CNTN4: variants seen among roughly 807,000 people sequenced by gnomAD.
CNTN4 encodes contactin 4.
Under a neutral mutation model 122.5 loss-of-function variants are expected in CNTN4, and 77 were observed. That is an observed-to-expected ratio of 0.63 (90% confidence interval 0.52 to 0.76). The LOEUF (loss-of-function observed/expected upper bound fraction) is 0.76. Ranked by LOEUF, CNTN4 falls within the 30% of genes least tolerant of loss-of-function variation. CNTN4 has a pLI of 0.00. For synonymous variants in CNTN4, 512 were observed against 447.0 expected (o/e 1.15, Z -1.83); for missense variants, 1,256 against 1,259.1 (o/e 1.00, Z 0.04).
At chr3:2,107,302 C>CTT (rs1367457091) in intron 2 of CNTN4, among the ~76,000 whole-genome samples, 2 of 152,138 alleles carry the variant, frequency 1.3e-5, no homozygotes, top group Non-Finnish European at 2.9e-5. Context: ...CTACCCAAGA[C>CTT]TGGGTGATTT....
At chr3:2,102,470 T>G (rs1317641931) in intron 2 of CNTN4, among the ~76,000 whole-genome samples, 1 of 152,192 alleles carries the variant, frequency 6.6e-6, no homozygotes, top group African/African-American at 2.4e-5. Flanking sequence ...TTAGCAGATA[T>G]AACAGATCCA....
At chr3:2,293,049 C>G (rs576432098) in intron 2 of CNTN4, among the ~76,000 whole-genome samples, 1 of 152,332 alleles carries the variant, frequency 6.6e-6, no homozygotes, top group East Asian at 1.9e-4. Context: ...CACATTCCCA[C>G]TAACATGCGT....
chr3:2,129,427 C>CTTTTTTTTTTTTTTTTTTTTTTTTTTTGA (rs1488150928), intron 2 of CNTN4, among the ~76,000 whole-genome samples: 1 of 150,876 alleles, frequency 6.6e-6, no homozygotes, highest in South Asian at 2.1e-4. Flanking sequence ...AAGTTGTTTT[C>CTTTTTTTTTTTTTTTTTTTTTTTTTTTGA]GATATGCTAT....
At chr3:2,681,543 A>G (rs1481583899) in intron 4 of CNTN4, among the ~76,000 whole-genome samples, 1 of 152,104 alleles carries the variant, frequency 6.6e-6, no homozygotes, top group Non-Finnish European at 1.5e-5. Context: ...TGAATTACGT[A>G]TCTTTCCAAT....
chr3:2,637,056 C>G (rs1409298865), intron 4 of CNTN4, among the ~76,000 whole-genome samples: 1 of 149,316 alleles, frequency 6.7e-6, no homozygotes, highest in Non-Finnish European at 1.5e-5. Flanking sequence ...ATCCTCCCAA[C>G]TCAGCCTCCC....
intron 2 of CNTN4, among the ~76,000 whole-genome samples, chr3:2,273,007 AT>A (rs1213537132): frequency 6.6e-6 from 1 of 152,168 alleles, no homozygotes. Flanking sequence ...ATCTTCAAAA[AT>A]ATCAACATAG....
At chr3:2,682,087 C>G (rs1325390532) in intron 4 of CNTN4, among the ~76,000 whole-genome samples, 1 of 152,170 alleles carries the variant, frequency 6.6e-6, no homozygotes, top group Non-Finnish European at 1.5e-5. Flanking sequence ...TATAAATCCT[C>G]TACTAGGTGC....
At chr3:2,199,445 T>C (rs1050925152) in intron 2 of CNTN4, among the ~76,000 whole-genome samples, 33 of 152,138 alleles carry the variant, frequency 2.2e-4, no homozygotes, top group Non-Finnish European at 4.4e-4. Flanking sequence ...TTATAAATAT[T>C]TTTATAGATT....
At chr3:2,774,967 G>T (rs182695313) in intron 6 of CNTN4, among the ~76,000 whole-genome samples, 3 of 152,322 alleles carry the variant, frequency 2.0e-5, no homozygotes, top group African/African-American at 7.2e-5. Context: ...TGGAAGCACG[G>T]ACAGCGATTT....
chr3:2,481,055 T>TTCTTTCTTTCTTTCTC (rs1213100693), intron 3 of CNTN4, among the ~76,000 whole-genome samples: 207 of 134,900 alleles, frequency 1.5e-3, no homozygotes, highest in African/African-American at 3.5e-3. Context: ...CTTTCTTTCT[T>TTCTTTCTTTCTTTCTC]TCTTTCTCTC....
At chr3:2,394,221 T>G (rs1323333742) in intron 3 of CNTN4, among the ~76,000 whole-genome samples, 1 of 151,762 alleles carries the variant, frequency 6.6e-6, no homozygotes, top group Non-Finnish European at 1.5e-5. Context: ...CAATCCAGAG[T>G]AAAGGAAGCC....
At chr3:2,664,798 G>A (rs2084067900) in intron 4 of CNTN4, among the ~76,000 whole-genome samples, 2 of 152,282 alleles carry the variant, frequency 1.3e-5, no homozygotes, top group East Asian at 1.9e-4. Flanking sequence ...CTTAGTATGC[G>A]ATGACACAAA....
In CNTN4 at chr3:3,056,358, G is replaced by A. The variant is rs1274377846; in HGVS notation, c.*138G>A. 2.9e-6 allele frequency: 2 copies of A among 693,506 alleles called. No homozygotes were observed. Among genetic ancestry groups the A allele is most frequent in the East Asian group, 2.8e-5 (1 of 36,224 alleles). The allele number at this position is 693,506 out of a possible 1,614,324, so 43.0% of individuals were successfully genotyped here. A position where few individuals can be genotyped will look rare whatever the true frequency, so the allele number is the denominator to read the frequency against. ...ATAAAAATGTTTTTTGCTTCTTTAGGAATGGCATTATACAGTACTTCCTCA... is the reference window on the plus strand; with the variant it reads ...ATAAAAATGTTTTTTGCTTCTTTAGAAATGGCATTATACAGTACTTCCTCA... On this transcript the variant is annotated 3_prime_UTR_variant, in exon 25 of 25. Coordinates refer to ENST00000418658, the MANE Select transcript of CNTN4 (RefSeq NM_175607.3).
intron 4 of CNTN4, among the ~76,000 whole-genome samples, chr3:2,649,711 C>G (rs886068407): frequency 6.6e-6 from 1 of 152,084 alleles, no homozygotes; most frequent in Non-Finnish European, 1.5e-5. Flanking sequence ...TTTTGACTTT[C>G]AAGTCTTATT....
chr3:2,272,790 T>C (rs1446081686), intron 2 of CNTN4, among the ~76,000 whole-genome samples: 2 of 138,586 alleles, frequency 1.4e-5, no homozygotes, highest in African/African-American at 2.6e-5. Flanking sequence ...ATTGTAAGGG[T>C]AGCAGAAACA....
chr3:2,739,246 A>G (rs183736391), intron 5 of CNTN4, among the ~76,000 whole-genome samples: 1 of 152,276 alleles, frequency 6.6e-6, no homozygotes, highest in Admixed American at 6.5e-5. Context: ...CTGTTGGTGA[A>G]GATGAAGAGC....
chr3:2,426,031 C>T (rs917685049), intron 3 of CNTN4, among the ~76,000 whole-genome samples: 1 of 152,130 alleles, frequency 6.6e-6, no homozygotes, highest in Non-Finnish European at 1.5e-5. Flanking sequence ...AATTTGACTT[C>T]CTCTTTTCCT....
intron 2 of CNTN4, among the ~76,000 whole-genome samples, chr3:2,189,489 C>G (rs1438569053): frequency 2.6e-5 from 4 of 152,076 alleles, no homozygotes; most frequent in Non-Finnish European, 5.9e-5. Context: ...TAGAGAGGGT[C>G]AGTGTTGTAG....
chr3:2,705,027 A>G (rs1421499792), intron 4 of CNTN4, among the ~76,000 whole-genome samples: 1 of 151,816 alleles, frequency 6.6e-6, no homozygotes, highest in Non-Finnish European at 1.5e-5. Context: ...ACAGACATAC[A>G]TATGTGTGTA....
Sources: allele counts gnomAD v4.1 joint callset (sites outside exome capture counted in the v4.1 genomes callset), GRCh38; gene constraint gnomAD v4.1.1; transcripts MANE v1.5; gene names NCBI Gene and HGNC (gene_info 2026-07-23, HGNC 2026-07-21).